The following CELA2B variants were observed in gnomAD, a reference collection of about 807,000 sequenced individuals.
CELA2B encodes chymotrypsin like elastase 2B, also known as chymotrypsin-like elastase family member 2B.
Under a neutral mutation model 36.5 loss-of-function variants are expected in CELA2B, and 27 were observed. That is an observed-to-expected ratio of 0.74 (90% CI 0.55 to 1.02). CELA2B has a LOEUF of 1.02. Ranked by LOEUF, CELA2B falls within the 50% of genes least tolerant of loss-of-function variation. The pLI is 0.00. For missense variants in CELA2B, 340 were observed against 347.8 expected, an observed-to-expected ratio of 0.98 and a Z score of 0.18; for synonymous variants, 143 against 148.5, an observed-to-expected ratio of 0.96 and a Z score of 0.27.
chr1:15,487,819 T>C (rs1708824331), intron 7 of CELA2B, among the ~76,000 whole-genome samples: 1 of 152,332 alleles, frequency 6.6e-6, no homozygotes, highest in Non-Finnish European at 1.5e-5. Context: ...GAGACCCCCA[T>C]AGCATTAATT....
intron 5 of CELA2B, 124 bp from the exon 6 acceptor site, chr1:15,485,777 A>C: frequency 1.6e-6 from 2 of 1,231,754 alleles, no homozygotes; most frequent in Non-Finnish European, 2.3e-6. Flanking sequence ...GTATAGACAA[A>C]CATGGCTGTT....
At chr1:15,485,792 T>G in intron 5 of CELA2B, 109 bp from the exon 6 acceptor site, 9 of 1,318,340 alleles carry the variant, frequency 6.8e-6, no homozygotes, top group Non-Finnish European at 9.6e-6. Context: ...GCTGTTCCCA[T>G]GTTGCAATGG....
At chr1:15,480,728 T>C (rs1460520794) in intron 2 of CELA2B, among the ~76,000 whole-genome samples, 2 of 152,110 alleles carry the variant, frequency 1.3e-5, no homozygotes, top group Non-Finnish European at 2.9e-5. Context: ...ATGGGGATTA[T>C]GGGAACTATA....
chr1:15,476,671 C>T, intron 2 of CELA2B, 126 bp downstream of exon 2: 2 of 875,170 alleles, frequency 2.3e-6, no homozygotes, highest in Non-Finnish European at 3.7e-6. Context: ...GAGAGCAGCA[C>T]AGGAAACTTC....
At chr1:15,489,477 C>T (rs528946768) in intron 7 of CELA2B, among the ~76,000 whole-genome samples, 4 of 152,264 alleles carry the variant, frequency 2.6e-5, no homozygotes, top group Non-Finnish European at 5.9e-5. Context: ...CCCCTGGCAG[C>T]GGCAGAGGGG....
chr1:15,484,326 G>A (rs774934523), intron 5 of CELA2B, among the ~76,000 whole-genome samples: 4 of 152,116 alleles, frequency 2.6e-5, no homozygotes, highest in East Asian at 3.8e-4. Context: ...CAGAGTTCCC[G>A]CCCTTCCCTT....
chr1:15,478,164 C>T (rs1570806527), intron 2 of CELA2B, among the ~76,000 whole-genome samples: 4 of 151,694 alleles, frequency 2.6e-5, no homozygotes, highest in South Asian at 2.1e-4. Flanking sequence ...GGCATGATTG[C>T]GGGCACCTGT....
Position 15,481,084 on chromosome 1 carries a change from G to T in CELA2B, c.130-14G>T. ...CTTTTTCAGCCACAGCCACAGACCTGTGTTTCTCCCCAGGTCTCCCTGCAG... is the reference window on the plus strand; with the variant it reads ...CTTTTTCAGCCACAGCCACAGACCTTTGTTTCTCCCCAGGTCTCCCTGCAG... On this transcript the variant is annotated splice_polypyrimidine_tract_variant and intron_variant, in intron 2 of 7. Transcript: ENST00000375910. 6.2e-7 allele frequency: 1 copy of T among 1,612,120 alleles called. No homozygotes were observed.
chr1:15,482,422 G>T (rs780169361), intron 4 of CELA2B, 29 bp downstream of exon 4: 2 of 1,613,514 alleles, frequency 1.2e-6, no homozygotes, highest in Non-Finnish European at 1.7e-6. Context: ...GCACTTGGGG[G>T]TGAGGTTGTC....
At position 15,488,583 on chromosome 1, in the gene CELA2B, T is replaced by TCA. The variant is rs200144074; in HGVS notation, c.792+1146_792+1147insCA. Among the ~76,000 whole-genome samples, 565 of 152,350 alleles carry TCA rather than the reference T, an allele frequency of 3.7e-3. 5 individuals carry two copies. The highest frequency in any genetic ancestry group is 0.023 in the East Asian group (118 of 5,186). On this transcript the variant is annotated intron_variant, in intron 7 of 7. Coordinates refer to ENST00000375910, the MANE Select transcript of CELA2B (RefSeq NM_015849.3). Reference sequence around the variant, plus strand: ...TACTTTGTGCCAATTAGGGACCACCTGTTTGCTCTTCTGTAAAGTGGGACT... The same window carrying TCA: ...TACTTTGTGCCAATTAGGGACCACCTCAGTTTGCTCTTCTGTAAAGTGGGACT...
rs200410579 is a variant in CELA2B at position 15,483,396 on chromosome 1, G to A, written c.489G>A (p.Leu163=). ...YPCYVTGWGR[L]QTNGALPDDL... ...GCTACGTCACGGGCTGGGGAAGGCT[G>A]CAGAGTAAGTGGGAGCCAGGAGCCC... Residue 163 remains leucine, a synonymous_variant, in exon 5 of 8, where the codon CTG becomes CTA. Transcript: ENST00000375910. 2 of 1,613,760 alleles carry A rather than the reference G, an allele frequency of 1.2e-6. No individual in the cohort carries two copies. Among genetic ancestry groups the A allele is most frequent in the Non-Finnish European group, 8.5e-7 (1 of 1,179,774 alleles).
chr1:15,481,568 G>A (rs1254909683), intron 3 of CELA2B: 1 of 500,260 alleles, frequency 2.0e-6, no homozygotes, highest in Non-Finnish European at 4.0e-6. Context: ...ACAGAATTTA[G>A]TGTGGACTCA....
rs1708891035 is a variant in CELA2B, at chr1:15,491,345, G to A, written c.*33G>A. 1 of 1,613,420 alleles carries A rather than the reference G, an allele frequency of 6.2e-7. No homozygotes were observed. The highest frequency in any genetic ancestry group is 1.3e-5 in the African/African-American group (1 of 74,842). ...AAGTCCCTGGGACTGTTTCAGACTT[G>A]GAAAGGTCACAGAAGGAAAATAATA... On this transcript the variant is annotated 3_prime_UTR_variant, in exon 8 of 8. Transcript: ENST00000375910.
chr1:15,483,821 T>G (rs1327567230), intron 5 of CELA2B, among the ~76,000 whole-genome samples: 1 of 151,814 alleles, frequency 6.6e-6, no homozygotes, highest in Non-Finnish European at 1.5e-5. Flanking sequence ...CCGAGCTACT[T>G]GGGAGCCTGA....
chr1:15,478,031 G>C (rs1313424265), intron 2 of CELA2B, among the ~76,000 whole-genome samples: 1 of 152,066 alleles, frequency 6.6e-6, no homozygotes. Context: ...AGGCGTGGTG[G>C]CTCAGGCCTG....
Position 15,491,276 on chromosome 1 carries a change from T to C in CELA2B, c.793-19T>C. The C allele has an allele frequency of 1.2e-6, 2 of 1,614,036 alleles. No individual in the cohort carries two copies. Among genetic ancestry groups the C allele is most frequent in the Non-Finnish European group, 1.7e-6 (2 of 1,179,954 alleles). On this transcript the variant is annotated intron_variant, in intron 7 of 7. Coordinates refer to ENST00000375910, the MANE Select transcript of CELA2B (RefSeq NM_015849.3). ...TGGTTACGTGAACCTGACAATTTTC[T>C]TGTGTGTGTGTCCTGCAGGTGATTG...
chr1:15,486,590 C>A (rs1160708264), intron 6 of CELA2B, among the ~76,000 whole-genome samples: 1 of 152,238 alleles, frequency 6.6e-6, no homozygotes, highest in East Asian at 1.9e-4. Context: ...ATCAAGGTCT[C>A]TCGTGACTGT....
At chr1:15,479,910 G>C (rs1230885875) in intron 2 of CELA2B, among the ~76,000 whole-genome samples, 3 of 152,184 alleles carry the variant, frequency 2.0e-5, no homozygotes, top group East Asian at 1.9e-4. Context: ...AGTGTGGCTG[G>C]AGGAGAGGAG....
intron 2 of CELA2B, among the ~76,000 whole-genome samples, chr1:15,477,565 C>T (rs1708687785): frequency 6.6e-6 from 1 of 152,146 alleles, no homozygotes; most frequent in African/African-American, 2.4e-5. Context: ...AAACCATGCC[C>T]CATAATATCT....
Sources: allele counts gnomAD v4.1 joint callset (sites outside exome capture counted in the v4.1 genomes callset), GRCh38; gene constraint gnomAD v4.1.1; transcripts MANE v1.5; gene names NCBI Gene and HGNC (gene_info 2026-07-23, HGNC 2026-07-21).